The following INSL6 variants were observed in gnomAD, a reference collection of about 807,000 sequenced individuals.
INSL6 encodes insulin-like peptide INSL6.
A neutral mutation model predicts 9.4 loss-of-function variants in INSL6; 16 were observed. The observed-to-expected ratio is 1.70, with a 90% CI of 1.15 to 2.59. The LOEUF is 2.59. INSL6 is among the 30% of genes most tolerant of loss of function. INSL6 has a pLI of 0.00. For synonymous variants in INSL6, 154 were observed against 96.9 expected, an observed-to-expected ratio of 1.59 and a Z score of -3.46; for missense variants, 391 against 257.3, an observed-to-expected ratio of 1.52 and a Z score of -3.56.
the INSL6 span, among the ~76,000 whole-genome samples, chr9:5,028,355 C>A: frequency 6.6e-6 from 1 of 152,182 alleles, no homozygotes; most frequent in Non-Finnish European, 1.5e-5. Context: ...CAGTAAACCA[C>A]GCTATATACA....
intron 2 of INSL6, among the ~76,000 whole-genome samples, chr9:5,143,695 T>TGAA (rs1824546848): frequency 6.6e-6 from 1 of 151,690 alleles, no homozygotes; most frequent in African/African-American, 2.4e-5. Context: ...AGTCTCACTC[T>TGAA]GTTGCCCAGG....
chr9:5,083,381 G>T, the INSL6 span, among the ~76,000 whole-genome samples: 1 of 152,152 alleles, frequency 6.6e-6, no homozygotes. Context: ...GCATAAGCTT[G>T]CTAGGATAAG....
intron 1 of INSL6, among the ~76,000 whole-genome samples, chr9:5,184,458 T>C (rs1249985914): frequency 1.3e-5 from 2 of 152,224 alleles, no homozygotes; most frequent in Non-Finnish European, 2.9e-5. Context: ...GGAACAAGAA[T>C]ATCCTTCCTG....
the INSL6 span, chr9:5,041,322 A>C: frequency 6.7e-6 from 5 of 741,838 alleles, no homozygotes; most frequent in Non-Finnish European, 1.2e-5. Context: ...CCGTGCAGCC[A>C]GCACAAGAGC....
rs1825554248 is a variant in INSL6 at position 5,185,481 on chromosome 9, A to C, written c.122T>G (p.Ile41Arg). The C allele has an allele frequency of 6.2e-7, 1 of 1,614,108 alleles. No homozygotes were observed. The highest frequency in any genetic ancestry group is 2.2e-5 in the East Asian group (1 of 44,872). Residue 41 changes from isoleucine (I) to arginine (R), a missense_variant, in exon 1 of 2, where the codon ATA becomes AGA. Transcript: ENST00000381641. ...KLCGRYLVKE[I>R]EKLCGHANWS... ...GTTGGCATGGCCGCAGAGTTTTTCT[A>C]TTTCTTTCACCAAGTACCTGCCGCA...
the INSL6 span, among the ~76,000 whole-genome samples, chr9:5,089,266 TG>T: frequency 6.6e-6 from 1 of 152,092 alleles, no homozygotes; most frequent in Non-Finnish European, 1.5e-5. Flanking sequence ...CTGCTGGGCA[TG>T]GTGGCTCATG....
At chr9:5,093,279 C>A in the INSL6 span, among the ~76,000 whole-genome samples, 1 of 152,184 alleles carries the variant, frequency 6.6e-6, no homozygotes, top group African/African-American at 2.4e-5. Flanking sequence ...CTTACCCCAC[C>A]TGTTTACCAA....
the INSL6 span, among the ~76,000 whole-genome samples, chr9:5,064,394 G>A: frequency 6.6e-6 from 1 of 151,934 alleles, no homozygotes; most frequent in South Asian, 2.1e-4. Context: ...GCTGGGCATG[G>A]CGGCATATGC....
chr9:5,122,759 T>C (rs1361770446), downstream of INSL6, among the ~76,000 whole-genome samples: 15 of 152,060 alleles, frequency 9.9e-5, no homozygotes. Flanking sequence ...ATAAACCGTA[T>C]TGTTTGTACA....
chr9:5,154,890 G>A (rs1824786485), intron 2 of INSL6, among the ~76,000 whole-genome samples: 1 of 152,128 alleles, frequency 6.6e-6, no homozygotes, highest in Non-Finnish European at 1.5e-5. Context: ...CTGTAAACTA[G>A]TTCAACCATT....
At chr9:5,017,895 C>A in the INSL6 span, among the ~76,000 whole-genome samples, 1 of 152,100 alleles carries the variant, frequency 6.6e-6, no homozygotes, top group African/African-American at 2.4e-5. Flanking sequence ...TACCTTGTCT[C>A]TTTACTGTTT....
intron 1 of INSL6, among the ~76,000 whole-genome samples, chr9:5,172,504 A>T (rs1407055370): frequency 6.6e-6 from 1 of 152,262 alleles, no homozygotes; most frequent in Admixed American, 6.5e-5. Context: ...AAAAGAAACT[A>T]CCATCAGAGT....
chr9:5,054,687 G>C, the INSL6 span: 1 of 1,613,364 alleles, frequency 6.2e-7, no homozygotes. The surrounding 1 kb of genome is among the most constrained non-coding windows in gnomAD (Gnocchi z 4.9). Flanking sequence ...CAAAGCCACT[G>C]CCAGAAACTT....
the INSL6 span, chr9:5,078,228 T>C: frequency 1.7e-6 from 2 of 1,209,016 alleles, no homozygotes; most frequent in South Asian, 1.6e-5. Flanking sequence ...TTTAAATCTG[T>C]TTTGGGGGCT....
chr9:5,075,014 A>G, the INSL6 span, among the ~76,000 whole-genome samples: 2 of 151,990 alleles, frequency 1.3e-5, no homozygotes, highest in Non-Finnish European at 2.9e-5. Context: ...AGAAAGTTCT[A>G]GATAGAAGAT....
At chr9:5,137,497 C>T (rs1007117680) in intron 2 of INSL6, among the ~76,000 whole-genome samples, 1 of 152,218 alleles carries the variant, frequency 6.6e-6, no homozygotes, top group Admixed American at 6.5e-5. Flanking sequence ...TTTGACAAAC[C>T]CTATTTAATA....
At chr9:5,172,694 C>G (rs538962217) in intron 1 of INSL6, among the ~76,000 whole-genome samples, 1 of 152,086 alleles carries the variant, frequency 6.6e-6, no homozygotes, top group Non-Finnish European at 1.5e-5. Context: ...TTTGGGAGGC[C>G]GAGGTGGGCA....
At chr9:5,084,999 TTA>T in the INSL6 span, 1 of 848,520 alleles carries the variant, frequency 1.2e-6, no homozygotes, top group South Asian at 1.3e-5. Context: ...GAGTTGTCAT[TTA>T]TGTCTTGTGA....
the INSL6 span, chr9:5,072,437 C>T: frequency 2.1e-5 from 29 of 1,351,172 alleles, no homozygotes; most frequent in Non-Finnish European, 2.7e-5. Context: ...TTTTCTTGTT[C>T]CTACTTCGTT....
Sources: allele counts gnomAD v4.1 joint callset (sites outside exome capture counted in the v4.1 genomes callset), GRCh38; gene constraint gnomAD v4.1.1; non-coding constraint Gnocchi (gnomAD v3.1); transcripts MANE v1.5; gene names NCBI Gene and HGNC (gene_info 2026-07-23, HGNC 2026-07-21).